Variants in CYP2C18 observed in about 807,000 individuals in gnomAD.
The protein encoded by CYP2C18 is cytochrome P450 family 2 subfamily C member 18.
In CYP2C18, 38 loss-of-function variants were observed where a neutral mutation model predicts 41.3. The observed-to-expected ratio is 0.92, with a 90% CI of 0.71 to 1.21. CYP2C18 has a LOEUF of 1.21. CYP2C18 is among the 50% of genes most tolerant of loss of function. The pLI, the probability that CYP2C18 is intolerant of heterozygous loss-of-function variation, is 0.00. For missense variants in CYP2C18, 635 were observed against 591.4 expected, an observed-to-expected ratio of 1.07 and a Z score of -0.77; for synonymous variants, 236 against 210.0, an observed-to-expected ratio of 1.12 and a Z score of -1.07.
rs1469253727 is a variant in CYP2C18 at position 94,706,907 on chromosome 10, G to A, written c.766G>A (p.Asp256Asn). ...ERIKEHQESL[D>N]MNSARDFIDC... ...AATAAAAGAACATCAAGAATCCCTGGACATGAACAGTGCTCGGGACTTTAT... is the reference window on the plus strand; with the variant it reads ...AATAAAAGAACATCAAGAATCCCTGAACATGAACAGTGCTCGGGACTTTAT... The change falls in exon 5 of 9, where the codon GAC becomes AAC. Residue 256 changes from aspartate (D) to asparagine (N), a missense_variant. By Grantham distance (23) the Asp-to-Asn change is conservative. Coordinates refer to ENST00000285979, the MANE Select transcript of CYP2C18 (RefSeq NM_000772.3). 13 of 1,612,482 alleles carry A rather than the reference G, an allele frequency of 8.1e-6. No homozygotes were observed. In the African/African-American group the frequency reaches 9.4e-5, roughly 12 times the overall value.
At chr10:94,701,436 G>A (rs562910425) in intron 4 of CYP2C18, among the ~76,000 whole-genome samples, 5 of 152,072 alleles carry the variant, frequency 3.3e-5, no homozygotes, top group East Asian at 1.9e-4. Flanking sequence ...ACACGGACAC[G>A]GGAAGGGGAA....
chr10:94,684,743 G>T (rs1443340827), intron 1 of CYP2C18, among the ~76,000 whole-genome samples: 1 of 151,940 alleles, frequency 6.6e-6, no homozygotes, highest in Non-Finnish European at 1.5e-5. Context: ...TCATCTGATA[G>T]TTCTATTTTT....
At chr10:94,730,579 C>T (rs1847814192) in intron 7 of CYP2C18, among the ~76,000 whole-genome samples, 2 of 152,100 alleles carry the variant, frequency 1.3e-5, no homozygotes, top group African/African-American at 2.4e-5. Context: ...TTTTTAATAG[C>T]CACAGGGATC....
chr10:94,687,097 G>A (rs1846901454), intron 1 of CYP2C18, among the ~76,000 whole-genome samples: 1 of 152,162 alleles, frequency 6.6e-6, no homozygotes, highest in South Asian at 2.1e-4. Flanking sequence ...TCTGTACAAA[G>A]CTGCTGTCTG....
rs566687462 is a variant in CYP2C18 at position 94,695,508 on chromosome 10, T to G, written c.642+431T>G. ...TTGCTTGTCTGTAAAGGATTTTATTTCCCCTTCACTTATGAAGCTTAGTTT... is the reference window on the plus strand; with the variant it reads ...TTGCTTGTCTGTAAAGGATTTTATTGCCCCTTCACTTATGAAGCTTAGTTT... On this transcript the variant is annotated intron_variant, in intron 4 of 8. Coordinates refer to ENST00000285979, the MANE Select transcript of CYP2C18 (RefSeq NM_000772.3). Among the ~76,000 whole-genome samples the G allele has an allele frequency of 1.2e-4, 18 of 152,280 alleles. No homozygotes were observed. The South Asian group carries it at 3.5e-3, about 30-fold the overall frequency.
intron 4 of CYP2C18, among the ~76,000 whole-genome samples, chr10:94,703,452 A>G (rs543806390): frequency 6.6e-6 from 1 of 152,308 alleles, no homozygotes; most frequent in South Asian, 2.1e-4. Context: ...GAGTCTAGAG[A>G]GACAGTCTGG....
rs113503599 is a variant in CYP2C18, at chr10:94,692,246, A to G, written c.482-2671A>G. 2.2e-3 allele frequency among the ~76,000 whole-genome samples: 341 copies of G among 152,278 alleles called. 1 individual carries two copies. The highest frequency in any genetic ancestry group is 7.1e-3 in the African/African-American group (294 of 41,552). ...ATGAGAATGAACAAGCAACCTACTG[A>G]ATGGGAGAAAAATTTTGCAACCTAC... On this transcript the variant is annotated intron_variant, in intron 3 of 8. Transcript: ENST00000285979.
At chr10:94,722,614 C>G (rs539992133) in intron 6 of CYP2C18, among the ~76,000 whole-genome samples, 1 of 152,066 alleles carries the variant, frequency 6.6e-6, no homozygotes, top group Admixed American at 6.6e-5. Context: ...GAACCAAGAC[C>G]CAAAGAACAT....
rs529727040 is a variant in CYP2C18 at position 94,714,205 on chromosome 10, T to G, written c.820-6191T>G. Among the ~76,000 whole-genome samples the G allele has an allele frequency of 2.0e-3, 300 of 152,156 alleles. 1 individual carries two copies. Among genetic ancestry groups the G allele is most frequent in the African/African-American group, 6.9e-3 (285 of 41,532 alleles). On this transcript the variant is annotated intron_variant, in intron 5 of 8. Transcript: ENST00000285979. ...AATTAGATCCCATTTGTCAATTTTGTCTTTTGTTGCCATTGCTTTTGGTGT... is the reference window on the plus strand; with the variant it reads ...AATTAGATCCCATTTGTCAATTTTGGCTTTTGTTGCCATTGCTTTTGGTGT...
intron 3 of CYP2C18, among the ~76,000 whole-genome samples, chr10:94,690,609 G>C (rs1025955077): frequency 6.6e-6 from 1 of 152,044 alleles, no homozygotes; most frequent in Middle Eastern, 3.2e-3. Context: ...AGAGCTACAA[G>C]GTACCATTCC....
rs544968930 is a variant in CYP2C18 at position 94,709,644 on chromosome 10, AT to A, written c.819+2691del. Among the ~76,000 whole-genome samples the A allele has an allele frequency of 4.7e-3, 713 of 152,036 alleles. 4 individuals are homozygous for A. Among genetic ancestry groups the A allele is most frequent in the African/African-American group, 0.011 (468 of 41,480 alleles). ...TTATTTATTTGCATGGTTTCTTGCA[AT>A]TTTTTTGTCACGTTTAAGAAATGAT... On this transcript the variant is annotated intron_variant, in intron 5 of 8. Transcript: ENST00000285979.
At chr10:94,733,910 AC>A (rs531252105) in intron 8 of CYP2C18, among the ~76,000 whole-genome samples, 56 of 152,178 alleles carry the variant, frequency 3.7e-4, no homozygotes, top group Middle Eastern at 6.8e-3. Context: ...AGACAAGTAA[AC>A]AGATCATTGT....
At chr10:94,697,451 C>T (rs143566259) in intron 4 of CYP2C18, among the ~76,000 whole-genome samples, 7,735 of 152,190 alleles carry the variant, frequency 0.051, 243 homozygotes, top group South Asian at 0.11. Flanking sequence ...GTCACCACCA[C>T]GCCTGCCCTA....
intron 3 of CYP2C18, among the ~76,000 whole-genome samples, 193 bp from the exon 4 acceptor site, chr10:94,694,724 A>G (rs761346874): frequency 5.3e-5 from 8 of 152,214 alleles, no homozygotes; most frequent in Non-Finnish European, 1.2e-4. Context: ...TAAACAAGCT[A>G]GGGTGGAATG....
intron 4 of CYP2C18, among the ~76,000 whole-genome samples, chr10:94,698,954 C>T (rs995488154): frequency 2.6e-5 from 4 of 152,112 alleles, no homozygotes; most frequent in African/African-American, 4.8e-5. Context: ...CTGAATAGAC[C>T]AATAACAGGC....
At position 94,733,362 on chromosome 10, in the gene CYP2C18, G is replaced by A; in HGVS notation, c.1215G>A (p.Glu405=). The A allele has an allele frequency of 6.2e-7, 1 of 1,613,450 alleles. No individual in the cohort carries two copies. The highest frequency in any genetic ancestry group is 8.5e-7 in the Non-Finnish European group (1 of 1,179,592). ...ATGACAAAGAATTCCCCAACCCAGA[G>A]ATGTTTGACCCTGGCCACTTTCTGG... The part of the protein sequence containing the change: ...LHNDKEFPNP[E]MFDPGHFLDK... The change falls in exon 8 of 9, where the codon GAG becomes GAA. Residue 405 remains glutamate, a synonymous_variant. Coordinates refer to ENST00000285979, the MANE Select transcript of CYP2C18 (RefSeq NM_000772.3).
intron 4 of CYP2C18, among the ~76,000 whole-genome samples, chr10:94,703,479 G>A (rs1336406676): frequency 1.3e-5 from 2 of 152,186 alleles, no homozygotes; most frequent in African/African-American, 2.4e-5. Context: ...GGGCTTTGTG[G>A]TGCTGCGGTG....
intron 7 of CYP2C18, among the ~76,000 whole-genome samples, chr10:94,726,526 T>C (rs946980895): frequency 6.6e-6 from 1 of 152,182 alleles, no homozygotes; most frequent in African/African-American, 2.4e-5. Flanking sequence ...GAAGTCATCA[T>C]TTTTTATGGT....
intron 4 of CYP2C18, among the ~76,000 whole-genome samples, chr10:94,700,569 G>T (rs1317559105): frequency 6.6e-6 from 1 of 152,156 alleles, no homozygotes; most frequent in Non-Finnish European, 1.5e-5. Context: ...CATGGGCAAG[G>T]ACTTCATGTC....
Sources: gnomAD v4.1 joint callset for allele counts (sites outside exome capture counted in the v4.1 genomes callset) on GRCh38, gnomAD v4.1.1 for gene constraint, MANE v1.5 for transcripts, NCBI Gene and HGNC (gene_info 2026-07-23, HGNC 2026-07-21) for gene names.